Variants in CFDP1 observed in about 807,000 individuals in gnomAD.
The protein encoded by CFDP1 is heterochromatin-stabilizing protein CFDP1.
A neutral mutation model predicts 40.1 loss-of-function variants in CFDP1; 31 were observed. The observed-to-expected ratio is 0.77, with a 90% CI of 0.58 to 1.04. CFDP1 has a LOEUF of 1.04. CFDP1 is among the 50% of genes least tolerant of loss of function. The pLI is 0.00. For missense variants in CFDP1, 423 were observed against 343.4 expected (o/e 1.23, Z -1.83); for synonymous variants, 167 against 120.0 (o/e 1.39, Z -2.56).
chr16:75,351,339 A>G (rs920066952), intron 5 of CFDP1, among the ~76,000 whole-genome samples: 4 of 152,238 alleles, frequency 2.6e-5, no homozygotes, highest in African/African-American at 4.8e-5. Flanking sequence ...GTCTTGAAAT[A>G]ATGTTTCCCA....
chr16:75,391,894 G>A (rs11149822), intron 5 of CFDP1, among the ~76,000 whole-genome samples: 78,758 of 151,678 alleles, frequency 0.52, 21,449 homozygotes, highest in Admixed American at 0.64. Context: ...CTTGAACCCA[G>A]GAGGTGGAGC....
chr16:75,307,448 C>T (rs2078266430), intron 5 of CFDP1, among the ~76,000 whole-genome samples: 1 of 152,098 alleles, frequency 6.6e-6, no homozygotes, highest in African/African-American at 2.4e-5. Flanking sequence ...AACTCCTGAC[C>T]TCGGGTGATC....
At chr16:75,301,187 CAAT>C (rs2078218907) in intron 6 of CFDP1, among the ~76,000 whole-genome samples, 1 of 152,060 alleles carries the variant, frequency 6.6e-6, no homozygotes, top group Non-Finnish European at 1.5e-5. Flanking sequence ...TTAATTCCCA[CAAT>C]AATCACGAGA....
intron 1 of CFDP1, among the ~76,000 whole-genome samples, chr16:75,426,202 T>C (rs2079341284): frequency 6.6e-6 from 1 of 150,950 alleles, no homozygotes; most frequent in Non-Finnish European, 1.5e-5. Flanking sequence ...AATACAAAAT[T>C]AGCCAGGCGT....
chr16:75,428,460 A>G (rs1420746550), intron 1 of CFDP1, among the ~76,000 whole-genome samples: 1 of 151,976 alleles, frequency 6.6e-6, no homozygotes, highest in Non-Finnish European at 1.5e-5. Flanking sequence ...TTAAAATACA[A>G]AAACAAAATT....
At chr16:75,374,464 C>T (rs563236446) in intron 5 of CFDP1, among the ~76,000 whole-genome samples, 42 of 152,008 alleles carry the variant, frequency 2.8e-4, no homozygotes, top group Non-Finnish European at 5.3e-4. Flanking sequence ...TACAGATACA[C>T]ATTCATATAC....
At chr16:75,297,051 C>T (rs988733996) in intron 6 of CFDP1, among the ~76,000 whole-genome samples, 3 of 152,056 alleles carry the variant, frequency 2.0e-5, no homozygotes. Context: ...AACCCTCTGG[C>T]AATCCAATGA....
At chr16:75,353,837 A>G (rs1030253649) in intron 5 of CFDP1, among the ~76,000 whole-genome samples, 1 of 151,850 alleles carries the variant, frequency 6.6e-6, no homozygotes, top group Non-Finnish European at 1.5e-5. Flanking sequence ...TAAAAGAAAT[A>G]ATGATAAAAA....
At chr16:75,391,840 G>T (rs778670570) in intron 5 of CFDP1, among the ~76,000 whole-genome samples, 72 of 151,952 alleles carry the variant, frequency 4.7e-4, no homozygotes, top group Admixed American at 9.8e-4. Context: ...GTGGTGGCGG[G>T]CGCCTGTAAT....
chr16:75,368,882 GTTTT>G (rs994743777), intron 5 of CFDP1, among the ~76,000 whole-genome samples: 2 of 149,850 alleles, frequency 1.3e-5, no homozygotes, highest in Admixed American at 1.3e-4. Context: ...TTGTTTGTTT[GTTTT>G]TTTTTAAGGA....
chr16:75,315,126 C>T (rs750324170), intron 5 of CFDP1, among the ~76,000 whole-genome samples: 1 of 151,932 alleles, frequency 6.6e-6, no homozygotes, highest in Non-Finnish European at 1.5e-5. Context: ...ATCATTTGGC[C>T]AACCTAAAGA....
intron 5 of CFDP1, among the ~76,000 whole-genome samples, chr16:75,380,657 G>T (rs1244930554): frequency 1.3e-5 from 2 of 152,084 alleles, no homozygotes; most frequent in South Asian, 4.1e-4. Flanking sequence ...TTTAAGAACC[G>T]GAACGAACCC....
chr16:75,341,568 G>T (rs2078527161), intron 5 of CFDP1, among the ~76,000 whole-genome samples: 1 of 152,028 alleles, frequency 6.6e-6, no homozygotes, highest in African/African-American at 2.4e-5. Flanking sequence ...TCTCAGTGAG[G>T]GGATTATAAA....
chr16:75,365,661 G>A (rs1345124232), intron 5 of CFDP1, among the ~76,000 whole-genome samples: 2 of 152,106 alleles, frequency 1.3e-5, no homozygotes, highest in African/African-American at 4.8e-5. Context: ...ACTTGAGGCC[G>A]CTGTGCCTCA....
chr16:75,363,187 T>C (rs1286656756), intron 5 of CFDP1, among the ~76,000 whole-genome samples: 25 of 152,124 alleles, frequency 1.6e-4, no homozygotes, highest in Admixed American at 1.6e-3. Context: ...TATTTTGTTT[T>C]TCTATAGAAA....
At chr16:75,344,084 C>G (rs990812654) in intron 5 of CFDP1, among the ~76,000 whole-genome samples, 1 of 152,176 alleles carries the variant, frequency 6.6e-6, no homozygotes, top group Non-Finnish European at 1.5e-5. Flanking sequence ...TGACAACAAG[C>G]TGTAATAAAC....
intron 5 of CFDP1, among the ~76,000 whole-genome samples, chr16:75,375,031 C>T (rs1597363477): frequency 6.7e-6 from 1 of 149,704 alleles, no homozygotes. Context: ...TTTAGAAGAA[C>T]ACGCATATAT....
intron 1 of CFDP1, among the ~76,000 whole-genome samples, chr16:75,424,538 G>A (rs34841467): frequency 0.52 from 78,806 of 151,910 alleles, 21,498 homozygotes; most frequent in Admixed American, 0.64. Flanking sequence ...GGCGGATCAC[G>A]AGGTCAGGAG....
intron 6 of CFDP1, among the ~76,000 whole-genome samples, chr16:75,297,594 T>A (rs1038989298): frequency 6.6e-6 from 1 of 152,150 alleles, no homozygotes; most frequent in African/African-American, 2.4e-5. Context: ...GCGCAGCCCT[T>A]TTGGGGGCCC....
Sources: allele counts gnomAD v4.1 joint callset (sites outside exome capture counted in the v4.1 genomes callset), GRCh38; gene constraint gnomAD v4.1.1; transcripts MANE v1.5; gene names NCBI Gene and HGNC (gene_info 2026-07-23, HGNC 2026-07-21).